SIK3: variants seen among roughly 807,000 people sequenced by gnomAD.
The protein encoded by SIK3 is serine/threonine-protein kinase SIK3.
SIK3 carries 28 observed loss-of-function variants against 144.2 expected under a neutral mutation model. The observed-to-expected ratio is 0.19, with a 90% confidence interval of 0.14 to 0.27. The LOEUF (loss-of-function observed/expected upper bound fraction) is 0.27. SIK3 is among the 10% of genes least tolerant of loss of function. The pLI, the probability that SIK3 is intolerant of heterozygous loss-of-function variation, is 1.00. For synonymous variants in SIK3, 686 were observed against 676.3 expected (o/e 1.01, Z -0.22); for missense variants, 1,319 against 1,776.0 (o/e 0.74, Z 4.62).
chr11:117,090,321 A>G (rs1034577090), intron 1 of SIK3, among the ~76,000 whole-genome samples: 1 of 152,064 alleles, frequency 6.6e-6, no homozygotes, highest in African/African-American at 2.4e-5. Context: ...GAACAGCCAT[A>G]GCCCACAGAC....
intron 3 of SIK3, among the ~76,000 whole-genome samples, chr11:116,952,694 T>G (rs1317223529): frequency 6.6e-6 from 1 of 152,236 alleles, no homozygotes; most frequent in Admixed American, 6.5e-5. Flanking sequence ...TTTTACAGTT[T>G]CCATTCTCAT....
chr11:116,956,782 G>A (rs998843341), intron 2 of SIK3, among the ~76,000 whole-genome samples, 166 bp downstream of exon 2: 2 of 152,216 alleles, frequency 1.3e-5, no homozygotes, highest in African/African-American at 4.8e-5. Context: ...GAAACTTGAG[G>A]ATACTAAGTG....
chr11:116,946,517 G>T (rs996310294), intron 3 of SIK3, among the ~76,000 whole-genome samples: 13 of 152,314 alleles, frequency 8.5e-5, no homozygotes, highest in Admixed American at 8.5e-4. Context: ...GGAGCTTAGG[G>T]AATCTTTCAC....
intron 1 of SIK3, among the ~76,000 whole-genome samples, chr11:117,047,261 A>C (rs1196154349): frequency 6.6e-6 from 1 of 152,220 alleles, no homozygotes; most frequent in Non-Finnish European, 1.5e-5. Flanking sequence ...AGATGTATGG[A>C]GGAAGATACC....
In SIK3 at chr11:116,877,061, C is replaced by T; in HGVS notation, c.866-19G>A. The stretch of plus-strand genomic sequence containing the variant: ...TCACATTCTGCAATGGACAAACAGC[C>T]TGCCTTCAGTCTCTGGTGAGGGGAG... On this transcript the variant is annotated intron_variant, in intron 6 of 24. Transcript: ENST00000445177. 3 of 1,611,280 alleles carry T rather than the reference C, an allele frequency of 1.9e-6. No individual in the cohort carries two copies. The highest frequency in any genetic ancestry group is 1.7e-5 in the Admixed American group (1 of 60,026).
rs138470332 is a variant in SIK3 at position 117,051,591 on chromosome 11, C to T, written c.273+46552G>A. On this transcript the variant is annotated intron_variant, in intron 1 of 24. Transcript: ENST00000445177. ...TCACCCAGGCTGGAGTGCAATGGCG[C>T]AATCTCAGCTCACTGCAACCTCCAC... 7.4e-4 allele frequency among the ~76,000 whole-genome samples: 113 copies of T among 152,032 alleles called. 1 individual carries two copies. The East Asian group carries it at 0.02, about 26-fold the overall frequency.
At chr11:116,947,569 A>ATGTATGTATGTAT (rs374241141) in intron 3 of SIK3, among the ~76,000 whole-genome samples, 4 of 109,450 alleles carry the variant, frequency 3.7e-5, no homozygotes, top group East Asian at 2.6e-4. Flanking sequence ...GTATGTATGT[A>ATGTATGTATGTAT]TTTTTTTTTT....
chr11:116,882,060 A>G (rs1337611209), intron 6 of SIK3, among the ~76,000 whole-genome samples: 3 of 152,046 alleles, frequency 2.0e-5, no homozygotes, highest in Non-Finnish European at 4.4e-5. Context: ...AACCAAAACA[A>G]TTCTCTCCTC....
chr11:116,935,639 T>G (rs1170865477), intron 3 of SIK3, among the ~76,000 whole-genome samples: 1 of 152,218 alleles, frequency 6.6e-6, no homozygotes, highest in East Asian at 1.9e-4. Flanking sequence ...ATGTTTCTCA[T>G]GCTACACCAA....
At chr11:116,900,382 T>A (rs1236314131) in intron 4 of SIK3, among the ~76,000 whole-genome samples, 5 of 152,218 alleles carry the variant, frequency 3.3e-5, no homozygotes, top group Non-Finnish European at 7.3e-5. Context: ...CATCCCTAGC[T>A]TGACTGATGC....
At chr11:116,902,662 A>T (rs11216180) in intron 4 of SIK3, among the ~76,000 whole-genome samples, 13,504 of 152,174 alleles carry the variant, frequency 0.089, 776 homozygotes, top group South Asian at 0.16. Flanking sequence ...GCTTGCTCTC[A>T]TCTCCTATTA....
In SIK3 at chr11:116,927,070, AT is replaced by A. The variant is rs1947318071; in HGVS notation, c.616+148del. 13 of 584,974 alleles carry A rather than the reference AT, an allele frequency of 2.2e-5. No homozygotes were observed. The South Asian group carries it at 4.1e-4, about 18-fold the overall frequency. 36.2% of individuals were successfully genotyped at this position (584,974 alleles called of 1,614,324 possible). Reference sequence around the variant, plus strand: ...GGGGAAGTACTTTTAAAGTTTATCAATTTTCAGGCTATTTTTTTTTTCATCT... The same window carrying A: ...GGGGAAGTACTTTTAAAGTTTATCAATTTCAGGCTATTTTTTTTTTCATCT... On this transcript the variant is annotated intron_variant, in intron 4 of 24. Coordinates refer to ENST00000445177, the MANE Select transcript of SIK3 (RefSeq NM_001366686.3).
intron 6 of SIK3, among the ~76,000 whole-genome samples, chr11:116,885,496 C>G (rs1053973153): frequency 6.6e-6 from 1 of 152,130 alleles, no homozygotes; most frequent in Non-Finnish European, 1.5e-5. Flanking sequence ...TAGCCCAACC[C>G]TGAAAAGATC....
In SIK3 at chr11:116,873,559, T is replaced by C. The variant is rs774656814; in HGVS notation, c.1659A>G (p.Gly553=). 6.2e-7 allele frequency: 1 copy of C among 1,612,224 alleles called. No homozygotes were observed. Among genetic ancestry groups the C allele is most frequent in the Non-Finnish European group, 8.5e-7 (1 of 1,179,248 alleles). Residue 553 remains glycine, a synonymous_variant, in exon 13 of 25, where the codon GGA becomes GGG. Transcript: ENST00000445177. ...MGPLGRRASD[G]GANIQLHAQQ... ...GGGCATGCAGTTGGATGTTGGCTCC[T>C]CCATCTGATGCCCTCCGGCCAAGGG...
chr11:116,953,653 T>C (rs951719056), intron 3 of SIK3, among the ~76,000 whole-genome samples: 1 of 152,234 alleles, frequency 6.6e-6, no homozygotes, highest in Non-Finnish European at 1.5e-5. Context: ...TCGGGTGAGA[T>C]TATGTGCTCT....
intron 6 of SIK3, among the ~76,000 whole-genome samples, chr11:116,883,340 T>A (rs1247709901): frequency 6.6e-6 from 1 of 152,224 alleles, no homozygotes; most frequent in Non-Finnish European, 1.5e-5. Context: ...AATGTCCTGA[T>A]CTTGTTATAA....
chr11:116,956,896 A>G (rs1375775961), intron 2 of SIK3, 52 bp downstream of exon 2: 3 of 1,146,436 alleles, frequency 2.6e-6, no homozygotes, highest in African/African-American at 3.2e-5. Flanking sequence ...GGAGCCATAC[A>G]TACAATATTC....
At chr11:116,999,336 C>T (rs895624287) in intron 1 of SIK3, among the ~76,000 whole-genome samples, 4 of 152,274 alleles carry the variant, frequency 2.6e-5, no homozygotes, top group Non-Finnish European at 5.9e-5. Flanking sequence ...ACTCCAACTA[C>T]GGTTGTAAAC....
chr11:116,935,421 C>A (rs1443073151), intron 3 of SIK3, among the ~76,000 whole-genome samples: 1 of 152,094 alleles, frequency 6.6e-6, no homozygotes, highest in Non-Finnish European at 1.5e-5. Flanking sequence ...GTAAACTACA[C>A]ACTTTTTAAG....
Sources: allele counts gnomAD v4.1 joint callset (sites outside exome capture counted in the v4.1 genomes callset), GRCh38; gene constraint gnomAD v4.1.1; transcripts MANE v1.5; gene names NCBI Gene and HGNC (gene_info 2026-07-23, HGNC 2026-07-21).